The following CNTNAP4 variants were observed in gnomAD, a reference collection of about 807,000 sequenced individuals.
CNTNAP4 encodes the protein contactin-associated protein-like 4.
In CNTNAP4, 98 loss-of-function variants were observed where a neutral mutation model predicts 148.4. The observed-to-expected ratio is 0.66, with a 90% confidence interval of 0.56 to 0.78. The LOEUF (loss-of-function observed/expected upper bound fraction) is 0.78, where lower values mean the gene tolerates loss of function less well. CNTNAP4 is among the 30% of genes least tolerant of loss of function. The pLI, the probability that CNTNAP4 is intolerant of heterozygous loss-of-function variation, is 0.00. For missense variants in CNTNAP4, 1,935 were observed against 1,565.6 expected (o/e 1.24, Z -3.98); for synonymous variants, 730 against 565.1 (o/e 1.29, Z -4.14).
intron 1 of CNTNAP4, among the ~76,000 whole-genome samples, chr16:76,291,168 C>G (rs1959099669): frequency 6.6e-6 from 1 of 152,154 alleles, no homozygotes; most frequent in Non-Finnish European, 1.5e-5. Context: ...AACAGGTGCT[C>G]TCACTGTTGC....
chr16:76,436,989 C>CTATCTATCTATCTATT (rs144797032), intron 4 of CNTNAP4, among the ~76,000 whole-genome samples: 5,379 of 151,372 alleles, frequency 0.036, 260 homozygotes, highest in East Asian at 0.23. Context: ...ATCTATCTGT[C>CTATCTATCTATCTATT]TATCTAGGAG....
intron 2 of CNTNAP4, among the ~76,000 whole-genome samples, chr16:76,349,139 A>C (rs1455374900): frequency 2.0e-5 from 3 of 152,016 alleles, no homozygotes; most frequent in African/African-American, 7.2e-5. Context: ...ACTTGATCTC[A>C]CTTCATTTCT....
intron 1 of CNTNAP4, among the ~76,000 whole-genome samples, chr16:76,295,399 A>G (rs773144864): frequency 1.3e-5 from 2 of 152,194 alleles, no homozygotes; most frequent in South Asian, 2.1e-4. Flanking sequence ...TTTTATTACT[A>G]TAAGTGTTAT....
Position 76,427,562 on chromosome 16 carries a change from A to G in CNTNAP4, c.501A>G (p.Arg167=). 6.2e-7 allele frequency: 1 copy of G among 1,612,876 alleles called. No homozygotes were observed. Among genetic ancestry groups the G allele is most frequent in the South Asian group, 1.1e-5 (1 of 90,796 alleles). Reference sequence around the variant, plus strand: ...CTTTGGAATGGAACCCCAAGGGCAGAATTGGAATGCGAATCGAAGTGTTCG... The same window carrying G: ...CTTTGGAATGGAACCCCAAGGGCAGGATTGGAATGCGAATCGAAGTGTTCG... ...FIPLEWNPKG[R]IGMRIEVFGC... Residue 167 remains arginine (R), a synonymous_variant, in exon 4 of 24, where the codon AGA becomes AGG. Coordinates refer to ENST00000611870, the MANE Select transcript of CNTNAP4 (RefSeq NM_033401.5).
At chr16:76,488,772 A>G (rs1019379709) in intron 12 of CNTNAP4, among the ~76,000 whole-genome samples, 3 of 152,204 alleles carry the variant, frequency 2.0e-5, no homozygotes, top group Non-Finnish European at 4.4e-5. Context: ...AAAATATAGT[A>G]TAAAGTCTGT....
chr16:76,465,824 T>A (rs984764025), intron 9 of CNTNAP4, among the ~76,000 whole-genome samples: 2 of 152,200 alleles, frequency 1.3e-5, no homozygotes, highest in Admixed American at 1.3e-4. Flanking sequence ...AACTTCAAAG[T>A]CTCCATTAGG....
chr16:76,496,412 TATTAA>T (rs1339742093), intron 14 of CNTNAP4, among the ~76,000 whole-genome samples: 1 of 152,158 alleles, frequency 6.6e-6, no homozygotes, highest in Non-Finnish European at 1.5e-5. Context: ...AAACTTCTTG[TATTAA>T]ATTCCGCTAA....
chr16:76,528,175 T>C (rs1232844658), intron 17 of CNTNAP4, among the ~76,000 whole-genome samples: 1 of 152,242 alleles, frequency 6.6e-6, no homozygotes, highest in Non-Finnish European at 1.5e-5. Context: ...TATTTGGATA[T>C]ATAATTTGGA....
intron 12 of CNTNAP4, among the ~76,000 whole-genome samples, chr16:76,484,052 T>A (rs1205102496): frequency 6.6e-6 from 1 of 151,618 alleles, no homozygotes; most frequent in Non-Finnish European, 1.5e-5. Context: ...ATTTACTTTT[T>A]TATATTACAT....
chr16:76,342,418 C>G (rs1181506055), intron 2 of CNTNAP4, among the ~76,000 whole-genome samples: 3 of 149,800 alleles, frequency 2.0e-5, no homozygotes, highest in Admixed American at 6.6e-5. Flanking sequence ...TTGAGTTTGG[C>G]TGACTCTACA....
intron 3 of CNTNAP4, among the ~76,000 whole-genome samples, chr16:76,401,350 TG>T (rs1353323897): frequency 6.6e-6 from 1 of 152,136 alleles, no homozygotes; most frequent in African/African-American, 2.4e-5. Context: ...GGTTCTTGGC[TG>T]TTATTGGTGT....
chr16:76,420,346 C>G (rs907596796), intron 3 of CNTNAP4, among the ~76,000 whole-genome samples: 2 of 96,966 alleles, frequency 2.1e-5, no homozygotes, highest in Non-Finnish European at 2.6e-5. Context: ...ACGTAGGACA[C>G]TACATAAGAA....
chr16:76,336,520 G>C (rs927777989), intron 2 of CNTNAP4, among the ~76,000 whole-genome samples: 2 of 152,264 alleles, frequency 1.3e-5, no homozygotes, highest in East Asian at 1.9e-4. Context: ...AAAATATAAT[G>C]ATGTTGGATA....
At chr16:76,427,090 T>C (rs528156109) in intron 3 of CNTNAP4, among the ~76,000 whole-genome samples, 2 of 152,320 alleles carry the variant, frequency 1.3e-5, no homozygotes, top group South Asian at 2.1e-4. Flanking sequence ...TTTCAACCCT[T>C]GGAGAATATT....
At chr16:76,387,236 G>A (rs1248781937) in intron 3 of CNTNAP4, among the ~76,000 whole-genome samples, 1 of 152,182 alleles carries the variant, frequency 6.6e-6, no homozygotes, top group Non-Finnish European at 1.5e-5. Context: ...AGTCCGATAA[G>A]TGATATCACA....
At chr16:76,371,006 T>C (rs2014756388) in intron 3 of CNTNAP4, among the ~76,000 whole-genome samples, 3 of 152,122 alleles carry the variant, frequency 2.0e-5, no homozygotes, top group Admixed American at 2.0e-4. Flanking sequence ...AAGAAGGGAA[T>C]CCATGAAAAA....
At chr16:76,418,000 C>T (rs1195834797) in intron 3 of CNTNAP4, among the ~76,000 whole-genome samples, 2 of 151,728 alleles carry the variant, frequency 1.3e-5, no homozygotes, top group Non-Finnish European at 3.0e-5. Flanking sequence ...AATATAGCTA[C>T]CTTTCGATGC....
intron 18 of CNTNAP4, among the ~76,000 whole-genome samples, chr16:76,536,347 C>G (rs544294114): frequency 1.3e-5 from 2 of 152,146 alleles, no homozygotes; most frequent in South Asian, 4.2e-4. Context: ...AGGAGCCCAC[C>G]ACTATGCCCA....
chr16:76,338,667 A>C (rs1468537925), intron 2 of CNTNAP4, among the ~76,000 whole-genome samples: 1 of 152,172 alleles, frequency 6.6e-6, no homozygotes, highest in Non-Finnish European at 1.5e-5. Flanking sequence ...ATAAAAGATG[A>C]ACTCCAGGAG....
Sources: gnomAD v4.1 joint callset for allele counts (sites outside exome capture counted in the v4.1 genomes callset) on GRCh38, gnomAD v4.1.1 for gene constraint, MANE v1.5 for transcripts, NCBI Gene and HGNC (gene_info 2026-07-23, HGNC 2026-07-21) for gene names.